The following FAM171A1 variants were observed in gnomAD, a reference collection of about 807,000 sequenced individuals.
FAM171A1 encodes family with sequence similarity 171 member A1.
A neutral mutation model predicts 74.9 loss-of-function variants in FAM171A1; 23 were observed. The observed-to-expected ratio is 0.31, with a 90% CI of 0.22 to 0.44. FAM171A1 has a LOEUF of 0.44. Among genes scored for constraint, FAM171A1 ranks in the 20% least tolerant of loss-of-function variants. The pLI, the probability that FAM171A1 is intolerant of heterozygous loss-of-function variation, is 1.00. For synonymous variants in FAM171A1, 527 were observed against 505.7 expected, an observed-to-expected ratio of 1.04 and a Z score of -0.57; for missense variants, 1,162 against 1,159.2, an observed-to-expected ratio of 1.00 and a Z score of -0.03.
intron 3 of FAM171A1, among the ~76,000 whole-genome samples, chr10:15,264,751 C>T (rs1208609123): frequency 6.6e-6 from 1 of 151,804 alleles, no homozygotes; most frequent in Non-Finnish European, 1.5e-5. Context: ...TCACTGCATT[C>T]CAGCTGGGTG....
intron 1 of FAM171A1, among the ~76,000 whole-genome samples, chr10:15,368,608 G>T (rs919923937): frequency 6.6e-6 from 1 of 152,160 alleles, no homozygotes; most frequent in African/African-American, 2.4e-5. Context: ...ATCACTAAAG[G>T]TTGCGTTATG....
intron 1 of FAM171A1, among the ~76,000 whole-genome samples, chr10:15,323,581 A>G (rs1005657374): frequency 1.3e-5 from 2 of 152,214 alleles, no homozygotes; most frequent in Non-Finnish European, 2.9e-5. Flanking sequence ...CAACAAGCCA[A>G]TTTATAATCA....
At chr10:15,245,582 A>G (rs191966391) in intron 5 of FAM171A1, among the ~76,000 whole-genome samples, 1 of 152,356 alleles carries the variant, frequency 6.6e-6, no homozygotes, top group African/African-American at 2.4e-5. Flanking sequence ...TACTATTATT[A>G]TTGCCATTTC....
chr10:15,297,744 G>A (rs952069274), intron 1 of FAM171A1, among the ~76,000 whole-genome samples: 56 of 152,240 alleles, frequency 3.7e-4, no homozygotes, highest in African/African-American at 1.3e-3. Context: ...TCGAAAATAC[G>A]AACTATCTCC....
chr10:15,343,136 G>A (rs1190103448), intron 1 of FAM171A1, among the ~76,000 whole-genome samples: 2 of 152,114 alleles, frequency 1.3e-5, no homozygotes, highest in African/African-American at 2.4e-5. Flanking sequence ...GTGAGTCCTG[G>A]GCATCATGTT....
intron 1 of FAM171A1, among the ~76,000 whole-genome samples, chr10:15,318,730 T>C (rs761382280): frequency 1.3e-5 from 2 of 152,166 alleles, no homozygotes; most frequent in Non-Finnish European, 2.9e-5. Flanking sequence ...TAAGACCTTA[T>C]AGGAGTCTAG....
intron 1 of FAM171A1, among the ~76,000 whole-genome samples, chr10:15,299,960 TCAAA>T (rs3033566): frequency 3.0e-4 from 44 of 148,728 alleles, no homozygotes; most frequent in African/African-American, 6.0e-4. Flanking sequence ...AGACTCCATC[TCAAA>T]CAAACAAACA....
chr10:15,316,584 C>G (rs184224592), intron 1 of FAM171A1, among the ~76,000 whole-genome samples: 19 of 152,302 alleles, frequency 1.2e-4, no homozygotes, highest in African/African-American at 4.3e-4. Flanking sequence ...ACACCTCCAA[C>G]CAATAACTTT....
intron 1 of FAM171A1, among the ~76,000 whole-genome samples, chr10:15,299,120 C>T (rs558867054): frequency 1.3e-5 from 2 of 152,052 alleles, no homozygotes; most frequent in South Asian, 2.1e-4. Flanking sequence ...GGTTTCGCCA[C>T]GTTGGCCAGG....
intron 5 of FAM171A1, chr10:15,237,588 A>G (rs1834309134): frequency 6.6e-6 from 1 of 152,164 alleles, no homozygotes; most frequent in Non-Finnish European, 1.5e-5. Context: ...TGCGATGCTG[A>G]GTCCACAGTG....
intron 1 of FAM171A1, among the ~76,000 whole-genome samples, chr10:15,344,217 A>T (rs1404838973): frequency 1.3e-5 from 2 of 152,222 alleles, no homozygotes; most frequent in Non-Finnish European, 2.9e-5. Context: ...AGGAGCTTCC[A>T]CCAAAGAGTA....
intron 5 of FAM171A1, among the ~76,000 whole-genome samples, chr10:15,232,888 C>T (rs570625482): frequency 2.0e-4 from 30 of 152,194 alleles, no homozygotes; most frequent in Non-Finnish European, 3.2e-4. Context: ...CTGATAAAGA[C>T]GGGAGTCCCC....
chr10:15,271,971 C>A (rs1273500465), intron 3 of FAM171A1, among the ~76,000 whole-genome samples: 1 of 152,152 alleles, frequency 6.6e-6, no homozygotes, highest in Non-Finnish European at 1.5e-5. Context: ...GAAGAAACTG[C>A]ATCAACTAAT....
At chr10:15,329,031 A>G (rs2131856413) in intron 1 of FAM171A1, among the ~76,000 whole-genome samples, 1 of 152,318 alleles carries the variant, frequency 6.6e-6, no homozygotes, top group Non-Finnish European at 1.5e-5. Context: ...GCACTGCTGA[A>G]GCCACCGGGC....
intron 3 of FAM171A1, among the ~76,000 whole-genome samples, chr10:15,269,076 A>G (rs1564628395): frequency 6.6e-6 from 1 of 151,706 alleles, no homozygotes; most frequent in South Asian, 2.1e-4. Flanking sequence ...AAACAAAGCC[A>G]GGAAACATGA....
At chr10:15,317,291 G>A (rs568587762) in intron 1 of FAM171A1, among the ~76,000 whole-genome samples, 1 of 152,176 alleles carries the variant, frequency 6.6e-6, no homozygotes, top group Admixed American at 6.6e-5. Context: ...TAAGGGCTGG[G>A]TTTATCCTGC....
At chr10:15,232,453 T>C (rs1252196520) in intron 5 of FAM171A1, among the ~76,000 whole-genome samples, 1 of 152,196 alleles carries the variant, frequency 6.6e-6, no homozygotes, top group Admixed American at 6.5e-5. Flanking sequence ...GCCATTGTTT[T>C]ATCGCAAGAG....
At chr10:15,216,356 C>T (rs183250327) in intron 6 of FAM171A1, among the ~76,000 whole-genome samples, 34 of 152,292 alleles carry the variant, frequency 2.2e-4, no homozygotes, top group Admixed American at 6.5e-4. Flanking sequence ...GATGTGGTTA[C>T]GTCAAGGGCC....
intron 1 of FAM171A1, among the ~76,000 whole-genome samples, chr10:15,302,939 A>G (rs1212311862): frequency 1.3e-5 from 2 of 152,206 alleles, no homozygotes; most frequent in Non-Finnish European, 2.9e-5. Flanking sequence ...CTATAATCCC[A>G]GCACTTTGGG....
Sources: gnomAD v4.1 joint callset for allele counts (sites outside exome capture counted in the v4.1 genomes callset) on GRCh38, gnomAD v4.1.1 for gene constraint, MANE v1.5 for transcripts, NCBI Gene and HGNC (gene_info 2026-07-23, HGNC 2026-07-21) for gene names.